Variants in MCC observed in about 807,000 individuals in gnomAD.
The protein encoded by MCC is MCC regulator of Wnt signaling pathway, also known as colorectal mutant cancer protein.
Under a neutral mutation model 116.2 loss-of-function variants are expected in MCC, and 90 were observed. That is an observed-to-expected ratio of 0.77 (90% confidence interval 0.65 to 0.92). MCC has a LOEUF of 0.92. Ranked by LOEUF, MCC falls within the 40% of genes least tolerant of loss-of-function variation. MCC has a pLI of 0.00. For synonymous variants in MCC, 578 were observed against 510.5 expected, an observed-to-expected ratio of 1.13 and a Z score of -1.78; for missense variants, 1,516 against 1,312.2, an observed-to-expected ratio of 1.16 and a Z score of -2.40.
intron 3 of MCC, among the ~76,000 whole-genome samples, chr5:113,199,106 T>A (rs1183128964): frequency 2.6e-5 from 4 of 152,016 alleles, no homozygotes; most frequent in African/African-American, 9.7e-5. Context: ...AGGTGGAGGT[T>A]GCAGTGAGCC....
intron 2 of MCC, among the ~76,000 whole-genome samples, chr5:113,342,323 T>A (rs1232786352): frequency 6.6e-6 from 1 of 152,244 alleles, no homozygotes; most frequent in African/African-American, 2.4e-5. Context: ...ATCTTTTTCA[T>A]ATAATGACAC....
intron 1 of MCC, among the ~76,000 whole-genome samples, chr5:113,475,588 C>A (rs1464249152): frequency 2.0e-5 from 3 of 152,114 alleles, no homozygotes; most frequent in Non-Finnish European, 4.4e-5. Flanking sequence ...TAAGGAAATG[C>A]CCTTTCTCTC....
intron 3 of MCC, among the ~76,000 whole-genome samples, chr5:113,167,728 T>G (rs1760845885): frequency 6.6e-6 from 1 of 152,104 alleles, no homozygotes; most frequent in African/African-American, 2.4e-5. Flanking sequence ...CCTTATAGGC[T>G]CAAGCAATTC....
intron 5 of MCC, among the ~76,000 whole-genome samples, chr5:113,133,226 G>C (rs1051836640): frequency 2.6e-4 from 39 of 151,910 alleles, no homozygotes; most frequent in Admixed American, 4.6e-4. Context: ...TCAAACACTA[G>C]GTCTTACTTC....
intron 5 of MCC, among the ~76,000 whole-genome samples, chr5:113,132,362 G>C (rs1030877736): frequency 7.5e-6 from 1 of 133,718 alleles, no homozygotes; most frequent in Non-Finnish European, 1.6e-5. Context: ...GTGCATATGT[G>C]TGTGTGTGTG....
At chr5:113,210,527 G>A (rs1172401137) in intron 3 of MCC, among the ~76,000 whole-genome samples, 1 of 152,196 alleles carries the variant, frequency 6.6e-6, no homozygotes, top group Non-Finnish European at 1.5e-5. Flanking sequence ...GATTGAGAAA[G>A]GGACTGAGAA....
rs1422302735 is a variant in MCC at position 113,053,348 on chromosome 5, C to G, written c.2448+377G>C. On this transcript the variant is annotated intron_variant, in intron 15 of 18. Transcript: ENST00000408903. Reference sequence around the variant, plus strand: ...ACTCTACAACTGGCCTCACCCTGTTCTCCCCCTGCCGGAGTTAACATCAGC... The same window carrying G: ...ACTCTACAACTGGCCTCACCCTGTTGTCCCCCTGCCGGAGTTAACATCAGC... Among the ~76,000 whole-genome samples the G allele has an allele frequency of 2.0e-5, 3 of 152,178 alleles. No homozygotes were observed. In the East Asian group the frequency reaches 5.8e-4, roughly 29 times the overall value.
At chr5:113,330,073 GTATAGTTT>G (rs1028840943) in intron 3 of MCC, among the ~76,000 whole-genome samples, 3 of 152,232 alleles carry the variant, frequency 2.0e-5, no homozygotes, top group African/African-American at 7.2e-5. Flanking sequence ...TAACTTAGGA[GTATAGTTT>G]TGTAACAAAT....
chr5:113,410,118 C>G (rs1290322387), intron 1 of MCC, among the ~76,000 whole-genome samples: 1 of 152,168 alleles, frequency 6.6e-6, no homozygotes, highest in Non-Finnish European at 1.5e-5. Context: ...CCAACGGGAT[C>G]TTGCTGAACA....
At chr5:113,266,168 G>A (rs1035328521) in intron 3 of MCC, among the ~76,000 whole-genome samples, 2 of 151,642 alleles carry the variant, frequency 1.3e-5, no homozygotes, top group East Asian at 3.9e-4. Context: ...ATATTATTTT[G>A]GTCCTGGCTG....
chr5:113,104,483 C>T, intron 6 of MCC, 128 bp from the exon 7 acceptor site: 2 of 726,736 alleles, frequency 2.8e-6, no homozygotes, highest in South Asian at 4.6e-5. Flanking sequence ...CAACACCAGC[C>T]AGCCTAACCT....
chr5:113,486,840 T>TAA lies in MCC; in HGVS notation c.170+1403_170+1404dup, dbSNP rs35192466. On this transcript the variant is annotated intron_variant, in intron 1 of 18. Coordinates refer to ENST00000408903, the MANE Select transcript of MCC (RefSeq NM_001085377.2). ...CTGGGTGATAGAGCGAGATTCTGTC[T>TAA]AAAAAAAAAAAAAATTGTATCCAAA... Among the ~76,000 whole-genome samples, 868 of 145,010 alleles carry TAA rather than the reference T, an allele frequency of 6.0e-3. 10 individuals carry two copies. The highest frequency in any genetic ancestry group is 0.021 in the East Asian group (104 of 4,988).
At chr5:113,257,591 T>A (rs1000343587) in intron 3 of MCC, among the ~76,000 whole-genome samples, 1 of 152,040 alleles carries the variant, frequency 6.6e-6, no homozygotes, top group Non-Finnish European at 1.5e-5. Flanking sequence ...GAAAGAAAAC[T>A]GAGGACTCAG....
At chr5:113,453,393 G>A (rs1020525323) in intron 1 of MCC, among the ~76,000 whole-genome samples, 1 of 152,022 alleles carries the variant, frequency 6.6e-6, no homozygotes, top group Non-Finnish European at 1.5e-5. Flanking sequence ...TCAAAACTTT[G>A]TTTTCCAGAT....
intron 1 of MCC, among the ~76,000 whole-genome samples, chr5:113,484,518 A>G (rs189714474): frequency 1.2e-4 from 19 of 152,322 alleles, no homozygotes; most frequent in Non-Finnish European, 2.4e-4. Flanking sequence ...TAGTGACAGA[A>G]TGACAATAAA....
At chr5:113,214,251 A>G (rs953118181) in intron 3 of MCC, among the ~76,000 whole-genome samples, 1 of 152,172 alleles carries the variant, frequency 6.6e-6, no homozygotes, top group African/African-American at 2.4e-5. Context: ...AGAACGACGG[A>G]GCTGAGAAAC....
At chr5:113,377,307 T>C (rs573501990) in intron 2 of MCC, among the ~76,000 whole-genome samples, 47 of 151,770 alleles carry the variant, frequency 3.1e-4, no homozygotes, top group African/African-American at 1.1e-3. Context: ...TGTATAGGGG[T>C]CATAAGAAGG....
intron 2 of MCC, among the ~76,000 whole-genome samples, chr5:113,369,247 T>C (rs1308053050): frequency 1.3e-5 from 2 of 152,142 alleles, no homozygotes; most frequent in African/African-American, 4.8e-5. Context: ...AACTCCATAA[T>C]CCTGCCTTGG....
chr5:113,289,256 G>A (rs1329900599), intron 3 of MCC, among the ~76,000 whole-genome samples: 3 of 151,214 alleles, frequency 2.0e-5, no homozygotes, highest in South Asian at 2.1e-4. Context: ...GCTTGATCCC[G>A]GGAGGCAGGT....
Sources: allele counts gnomAD v4.1 joint callset (sites outside exome capture counted in the v4.1 genomes callset), GRCh38; gene constraint gnomAD v4.1.1; transcripts MANE v1.5; gene names NCBI Gene and HGNC (gene_info 2026-07-23, HGNC 2026-07-21).